The following PBRM1 variants were observed in gnomAD, a reference collection of about 807,000 sequenced individuals.
PBRM1 encodes the protein protein polybromo-1.
In PBRM1, 27 loss-of-function variants were observed where a neutral mutation model predicts 194.5. The observed-to-expected ratio is 0.14, with a 90% CI of 0.10 to 0.19. The LOEUF (loss-of-function observed/expected upper bound fraction) is 0.19. Among genes scored for constraint, PBRM1 ranks in the 10% least tolerant of loss-of-function variants. PBRM1 has a pLI of 1.00. For synonymous variants in PBRM1, 655 were observed against 693.2 expected (o/e 0.94, Z 0.87); for missense variants, 1,466 against 2,077.2 (o/e 0.71, Z 5.72).
intron 18 of PBRM1, among the ~76,000 whole-genome samples, 162 bp downstream of exon 20, chr3:52,588,908 T>C (rs1280978073): frequency 6.6e-6 from 1 of 152,220 alleles, no homozygotes; most frequent in Admixed American, 6.5e-5. Context: ...ATAGGTCCTA[T>C]GTTTTTCATA....
intron 29 of PBRM1, 61 bp from the exon 32 acceptor site, chr3:52,548,296 G>A: frequency 7.6e-7 from 1 of 1,319,452 alleles, no homozygotes; most frequent in Non-Finnish European, 1.0e-6. Flanking sequence ...ATTTCCCTCA[G>A]TTCTAAGGTC....
intron 25 of PBRM1, among the ~76,000 whole-genome samples, chr3:52,561,389 G>A (rs1408567258): frequency 6.6e-6 from 1 of 152,162 alleles, no homozygotes; most frequent in African/African-American, 2.4e-5. Flanking sequence ...CAAGATCACT[G>A]ATTTTAAGAG....
At chr3:52,669,599 C>T (rs6768697) in intron 2 of PBRM1, among the ~76,000 whole-genome samples, 51,395 of 151,980 alleles carry the variant, frequency 0.34, 9,702 homozygotes, top group Admixed American at 0.46. Flanking sequence ...TAAGTTATTA[C>T]AAATAACATC....
chr3:52,646,465 T>C (rs948955175), intron 7 of PBRM1, among the ~76,000 whole-genome samples: 2 of 152,164 alleles, frequency 1.3e-5, no homozygotes, highest in Admixed American at 1.3e-4. Flanking sequence ...CTTTTTATAT[T>C]TATGAAGTTT....
At chr3:52,667,786 G>A (rs1380283086) in intron 3 of PBRM1, among the ~76,000 whole-genome samples, 1 of 150,108 alleles carries the variant, frequency 6.7e-6, no homozygotes, top group Non-Finnish European at 1.5e-5. Flanking sequence ...AAAGCCAGGA[G>A]TGGTGGCTCA....
intron 3 of PBRM1, among the ~76,000 whole-genome samples, chr3:52,667,067 C>T (rs1269910479): frequency 2.0e-5 from 3 of 151,928 alleles, no homozygotes; most frequent in Non-Finnish European, 4.4e-5. Flanking sequence ...GTTGGTTATA[C>T]CTGTGGGAAA....
chr3:52,636,664 G>T (rs1026554986), intron 10 of PBRM1, among the ~76,000 whole-genome samples: 1 of 143,528 alleles, frequency 7.0e-6, no homozygotes, highest in Non-Finnish European at 1.5e-5. Context: ...GGCTGAGGCA[G>T]GAGAATCACT....
intron 13 of PBRM1, among the ~76,000 whole-genome samples, chr3:52,618,153 C>A (rs1190092134): frequency 1.3e-5 from 2 of 152,172 alleles, no homozygotes; most frequent in Admixed American, 1.3e-4. Flanking sequence ...ACAGTTCCAA[C>A]CTACTTTAAA....
chr3:52,680,208 A>G (rs2097179918), upstream of PBRM1, among the ~76,000 whole-genome samples: 1 of 152,218 alleles, frequency 6.6e-6, no homozygotes, highest in South Asian at 2.1e-4. Context: ...TGTGGAAAAG[A>G]GCAAGAAGCA....
intron 17 of PBRM1, among the ~76,000 whole-genome samples, chr3:52,591,978 G>A (rs1262901350): frequency 7.9e-6 from 1 of 126,942 alleles, no homozygotes; most frequent in Non-Finnish European, 1.7e-5. Flanking sequence ...AGGTGCCCAC[G>A]ACCATGCCCG....
Position 52,619,038 on chromosome 3 carries a change from C to A in PBRM1, c.1542-1500G>T, listed in dbSNP as rs139674729. Among the ~76,000 whole-genome samples the A allele has an allele frequency of 2.0e-5, 3 of 152,050 alleles. No individual in the cohort carries two copies. The East Asian group carries it at 5.8e-4, about 29-fold the overall frequency. ...TGCTGGGATTACAGACTTGAGCCAT[C>A]GGGCTCGGCTGTGCCCGGCTAATTT... On this transcript the variant is annotated intron_variant, in intron 13 of 29. Transcript: ENST00000296302.
chr3:52,565,943 A>T (rs1436028231), intron 22 of PBRM1, among the ~76,000 whole-genome samples: 22 of 152,172 alleles, frequency 1.4e-4, no homozygotes, highest in African/African-American at 5.1e-4. Flanking sequence ...CCAGCTAGTC[A>T]TGAGGCTGAG....
chr3:52,658,797 A>T (rs1449242711), intron 4 of PBRM1, among the ~76,000 whole-genome samples: 2 of 152,362 alleles, frequency 1.3e-5, no homozygotes, highest in Admixed American at 1.3e-4. Flanking sequence ...AACAACCTAT[A>T]TGAACCTAAT....
At chr3:52,637,280 C>G (rs990889805) in intron 10 of PBRM1, among the ~76,000 whole-genome samples, 2 of 152,086 alleles carry the variant, frequency 1.3e-5, no homozygotes, top group Non-Finnish European at 2.9e-5. Flanking sequence ...ACAAAGGTAA[C>G]AGTATTACCT....
chr3:52,577,096 T>G (rs1364835851), intron 21 of PBRM1, among the ~76,000 whole-genome samples: 2 of 152,174 alleles, frequency 1.3e-5, no homozygotes, highest in African/African-American at 4.8e-5. Flanking sequence ...TGGCAGACAT[T>G]CCTTTAAGAC....
chr3:52,564,680 T>C (rs769558734), intron 22 of PBRM1, among the ~76,000 whole-genome samples: 2 of 151,676 alleles, frequency 1.3e-5, no homozygotes, highest in African/African-American at 2.4e-5. Flanking sequence ...TAATACAATA[T>C]GTATTGGCAT....
chr3:52,584,172 G>A (rs942268024), intron 20 of PBRM1, among the ~76,000 whole-genome samples: 1 of 151,992 alleles, frequency 6.6e-6, no homozygotes, highest in African/African-American at 2.4e-5. Flanking sequence ...AGTCTTTTAT[G>A]TCCTTCAGTA....
At chr3:52,615,243 T>G (rs1276097437) in intron 15 of PBRM1, 108 bp downstream of exon 17, 4 of 646,448 alleles carry the variant, frequency 6.2e-6, no homozygotes, top group African/African-American at 3.6e-5. Context: ...CATGCTGGAG[T>G]ACAGTGAGTT....
At chr3:52,593,247 T>C (rs1170034090) in intron 17 of PBRM1, among the ~76,000 whole-genome samples, 1 of 152,154 alleles carries the variant, frequency 6.6e-6, no homozygotes, top group African/African-American at 2.4e-5. Flanking sequence ...AGGTTGTTAA[T>C]TTGAGATCTT....
Sources: gnomAD v4.1 joint callset for allele counts (sites outside exome capture counted in the v4.1 genomes callset) on GRCh38, gnomAD v4.1.1 for gene constraint, MANE v1.5 for transcripts, NCBI Gene and HGNC (gene_info 2026-07-23, HGNC 2026-07-21) for gene names.